FSIP1: variants seen among roughly 807,000 people sequenced by gnomAD.
FSIP1 encodes fibrous sheath-interacting protein 1.
In FSIP1, 65 loss-of-function variants were observed where a neutral mutation model predicts 60.9. That is an observed-to-expected ratio of 1.07 (90% CI 0.87 to 1.31). The LOEUF (loss-of-function observed/expected upper bound fraction) is 1.31, where lower values mean the gene tolerates loss of function less well. FSIP1 is among the 40% of genes most tolerant of loss of function. The pLI, the probability that FSIP1 is intolerant of heterozygous loss-of-function variation, is 0.00. For missense variants in FSIP1, 675 were observed against 665.5 expected (o/e 1.01, Z -0.16); for synonymous variants, 209 against 221.2 (o/e 0.94, Z 0.49).
intron 10 of FSIP1, among the ~76,000 whole-genome samples, chr15:39,684,529 C>G (rs1894289283): frequency 6.6e-6 from 1 of 152,098 alleles, no homozygotes; most frequent in Admixed American, 6.5e-5. Flanking sequence ...GAAATAGCAC[C>G]AAGAATCCTA....
intron 10 of FSIP1, among the ~76,000 whole-genome samples, chr15:39,674,186 C>T (rs1229495748): frequency 6.6e-6 from 1 of 152,000 alleles, no homozygotes; most frequent in South Asian, 2.1e-4. Context: ...TACCAAGTAG[C>T]TGGGACTACA....
intron 10 of FSIP1, among the ~76,000 whole-genome samples, chr15:39,629,068 T>C (rs918656958): frequency 1.3e-5 from 2 of 152,202 alleles, no homozygotes; most frequent in Non-Finnish European, 2.9e-5. Flanking sequence ...CACTGAAGCC[T>C]GTACTTTCCA....
intron 10 of FSIP1, among the ~76,000 whole-genome samples, chr15:39,666,604 T>G (rs185837006): frequency 2.4e-4 from 36 of 152,270 alleles, no homozygotes; most frequent in African/African-American, 8.4e-4. Flanking sequence ...ACTATCAAAG[T>G]GAATGAACCC....
At chr15:39,655,310 C>T (rs1397063133) in intron 10 of FSIP1, among the ~76,000 whole-genome samples, 1 of 152,164 alleles carries the variant, frequency 6.6e-6, no homozygotes, top group African/African-American at 2.4e-5. Flanking sequence ...TATACACCAT[C>T]CCCCTCCTCC....
At chr15:39,674,792 TA>T (rs11332103) in intron 10 of FSIP1, among the ~76,000 whole-genome samples, 84,820 of 151,946 alleles carry the variant, frequency 0.56, 25,977 homozygotes, top group Non-Finnish European at 0.71. Context: ...AAGTATTTTT[TA>T]AAGACACAAA....
intron 10 of FSIP1, among the ~76,000 whole-genome samples, chr15:39,626,175 C>T (rs1891629364): frequency 2.6e-5 from 4 of 152,152 alleles, no homozygotes; most frequent in Admixed American, 2.6e-4. Flanking sequence ...ACCTAAAGAA[C>T]TTATGTATGC....
At chr15:39,689,765 A>G (rs1005092390) in intron 10 of FSIP1, among the ~76,000 whole-genome samples, 2 of 152,262 alleles carry the variant, frequency 1.3e-5, no homozygotes, top group African/African-American at 4.8e-5. Context: ...AAGATTAGTT[A>G]TCTAAATGTC....
chr15:39,709,986 C>T (rs959396070), intron 10 of FSIP1, among the ~76,000 whole-genome samples: 1 of 152,170 alleles, frequency 6.6e-6, no homozygotes, highest in Admixed American at 6.5e-5. Flanking sequence ...GGTCACAGAG[C>T]AGGCTATTAA....
rs542954872 is a variant in FSIP1 at position 39,720,677 on chromosome 15, G to A, written c.1050+5912C>T. Among the ~76,000 whole-genome samples the A allele has an allele frequency of 7.4e-4, 113 of 152,296 alleles. 1 individual carries two copies. The highest frequency in any genetic ancestry group is 2.6e-3 in the African/African-American group (110 of 41,554). On this transcript the variant is annotated intron_variant, in intron 9 of 11. Transcript: ENST00000350221. ...AACTCCTATATCTTAGATATTTCTGGAGAGAACTGGAATCTGATACTTCTA... is the reference window on the plus strand; with the variant it reads ...AACTCCTATATCTTAGATATTTCTGAAGAGAACTGGAATCTGATACTTCTA...
chr15:39,634,174 C>A (rs1338249865), intron 10 of FSIP1, among the ~76,000 whole-genome samples: 1 of 152,196 alleles, frequency 6.6e-6, no homozygotes, highest in Non-Finnish European at 1.5e-5. Context: ...CCCCTCTCTA[C>A]TGGATTTTTC....
intron 10 of FSIP1, among the ~76,000 whole-genome samples, chr15:39,680,683 T>G (rs1273948489): frequency 6.6e-5 from 10 of 152,232 alleles, no homozygotes; most frequent in Non-Finnish European, 1.5e-4. Flanking sequence ...ATTCTAGCCA[T>G]GTAGATAGTA....
At chr15:39,710,441 G>GAAAAAAAAA (rs397945950) in intron 10 of FSIP1, among the ~76,000 whole-genome samples, 5 of 74,232 alleles carry the variant, frequency 6.7e-5, no homozygotes, top group African/African-American at 4.1e-5. Flanking sequence ...CTCTGTCTCA[G>GAAAAAAAAA]AAAAAAAAAA....
chr15:39,754,126 G>A (rs1010430069), intron 5 of FSIP1, among the ~76,000 whole-genome samples: 1 of 152,062 alleles, frequency 6.6e-6, no homozygotes, highest in South Asian at 2.1e-4. Flanking sequence ...CTACCATGTT[G>A]TGAGGACATA....
chr15:39,762,279 C>T (rs1191526524), intron 5 of FSIP1, among the ~76,000 whole-genome samples: 1 of 152,180 alleles, frequency 6.6e-6, no homozygotes, highest in Non-Finnish European at 1.5e-5. Context: ...GCATTCCTTC[C>T]GAATGATTCC....
chr15:39,618,369 A>G, intron 10 of FSIP1, 124 bp from the exon 11 acceptor site: 1 of 735,164 alleles, frequency 1.4e-6, no homozygotes, highest in East Asian at 2.6e-5. Flanking sequence ...AAAAATAGAA[A>G]AATAATTCAT....
intron 5 of FSIP1, 96 bp from the exon 6 acceptor site, chr15:39,741,996 C>A (rs1380409401): frequency 4.4e-6 from 3 of 677,284 alleles, no homozygotes; most frequent in Non-Finnish European, 7.8e-6. Context: ...AATATTCTCT[C>A]CAGTGTTCCT....
intron 10 of FSIP1, among the ~76,000 whole-genome samples, chr15:39,639,031 G>A (rs1003620797): frequency 8.6e-5 from 13 of 152,028 alleles, no homozygotes; most frequent in Admixed American, 2.6e-4. Context: ...CTATGATATC[G>A]GAGATATATC....
intron 10 of FSIP1, among the ~76,000 whole-genome samples, chr15:39,663,385 C>A (rs957761952): frequency 1.8e-4 from 27 of 151,992 alleles, no homozygotes; most frequent in Non-Finnish European, 7.4e-5. Context: ...GTATATAAAT[C>A]TTAATTGTAT....
rs1895808037 is a variant in FSIP1 at position 39,718,010 on chromosome 15, A to G, written c.1051-4429T>C. ...TCTATTATTACAACTTCAGATGGCC[A>G]GTTCTTCTCCCACAATTCCAGCTCT... On this transcript the variant is annotated intron_variant, in intron 9 of 11. Transcript: ENST00000350221. Among the ~76,000 whole-genome samples the G allele has an allele frequency of 2.0e-5, 3 of 151,500 alleles. No individual in the cohort carries two copies. In the South Asian group the frequency reaches 6.2e-4, roughly 31 times the overall value.
Sources: allele counts gnomAD v4.1 joint callset (sites outside exome capture counted in the v4.1 genomes callset), GRCh38; gene constraint gnomAD v4.1.1; transcripts MANE v1.5; gene names NCBI Gene and HGNC (gene_info 2026-07-23, HGNC 2026-07-21).